The following TBCA variants were observed in gnomAD, a reference collection of about 807,000 sequenced individuals.
TBCA encodes the protein tubulin-specific chaperone A.
TBCA carries 6 observed loss-of-function variants against 15.8 expected under a neutral mutation model. The observed-to-expected ratio is 0.38, with a 90% CI of 0.21 to 0.75. The LOEUF is 0.75. Among genes scored for constraint, TBCA ranks in the 30% least tolerant of loss-of-function variants. TBCA has a pLI of 0.46. For synonymous variants in TBCA, 32 were observed against 42.3 expected (o/e 0.76, Z 0.94); for missense variants, 90 against 131.2 (o/e 0.69, Z 1.53).
At chr5:77,775,799 A>G (rs1272025193) in intron 1 of TBCA, among the ~76,000 whole-genome samples, 1 of 152,142 alleles carries the variant, frequency 6.6e-6, no homozygotes. Flanking sequence ...TTTCAAGCCC[A>G]TTTGAGAGCA....
intron 1 of TBCA, among the ~76,000 whole-genome samples, chr5:77,751,417 G>A (rs1009686488): frequency 5.3e-5 from 8 of 151,814 alleles, no homozygotes; most frequent in Non-Finnish European, 1.2e-4. Context: ...GACCTCAGGC[G>A]ATCCACCTGC....
chr5:77,745,632 G>C (rs1249479784), intron 1 of TBCA, among the ~76,000 whole-genome samples: 2 of 152,160 alleles, frequency 1.3e-5, no homozygotes, highest in Non-Finnish European at 2.9e-5. Flanking sequence ...ATGGTATAGG[G>C]GGCCAATTTT....
At chr5:77,745,959 G>C (rs1334677287) in intron 1 of TBCA, among the ~76,000 whole-genome samples, 4 of 152,228 alleles carry the variant, frequency 2.6e-5, no homozygotes, top group African/African-American at 9.6e-5. Context: ...ATGAGCTTCT[G>C]TATGCTTGCT....
At chr5:77,765,263 G>T (rs1370423193) in intron 1 of TBCA, among the ~76,000 whole-genome samples, 6 of 152,252 alleles carry the variant, frequency 3.9e-5, no homozygotes, top group African/African-American at 1.4e-4. Context: ...AGTGAAAAAG[G>T]CAAATGTCTT....
chr5:77,702,173 C>A (rs1483511345), intron 2 of TBCA, among the ~76,000 whole-genome samples: 2 of 151,974 alleles, frequency 1.3e-5, no homozygotes, highest in African/African-American at 4.8e-5. Flanking sequence ...CACCTGTGCC[C>A]CCAAAACCTA....
chr5:77,723,688 G>A (rs1348012761), intron 1 of TBCA, among the ~76,000 whole-genome samples: 3 of 151,868 alleles, frequency 2.0e-5, no homozygotes, highest in African/African-American at 7.2e-5. Context: ...AGGTCCTTTA[G>A]TCACTGTCGC....
intron 1 of TBCA, among the ~76,000 whole-genome samples, chr5:77,735,011 A>G (rs2112473093): frequency 6.6e-6 from 1 of 152,314 alleles, no homozygotes; most frequent in Non-Finnish European, 1.5e-5. Context: ...CATTTTTTAG[A>G]TGCAATGCTA....
chr5:77,712,650 G>T (rs951664335), intron 1 of TBCA, among the ~76,000 whole-genome samples: 1 of 151,900 alleles, frequency 6.6e-6, no homozygotes, highest in Non-Finnish European at 1.5e-5. Flanking sequence ...ACCCAAAGAA[G>T]TTTTAAAAAA....
chr5:77,695,084 CA>C (rs1745844210), intron 2 of TBCA, among the ~76,000 whole-genome samples: 1 of 152,084 alleles, frequency 6.6e-6, no homozygotes, highest in Admixed American at 6.5e-5. Flanking sequence ...AGAATCGTTA[CA>C]GGAATTAAAC....
intron 1 of TBCA, among the ~76,000 whole-genome samples, chr5:77,709,950 C>A (rs935698129): frequency 6.6e-6 from 1 of 152,096 alleles, no homozygotes; most frequent in Non-Finnish European, 1.5e-5. Flanking sequence ...ATATCCAGAA[C>A]GGGCAAATCT....
chr5:77,722,799 A>G (rs1465738279), intron 1 of TBCA, among the ~76,000 whole-genome samples: 2 of 151,910 alleles, frequency 1.3e-5, no homozygotes, highest in Admixed American at 1.3e-4. Context: ...AACATTAAAT[A>G]TAAACTATTC....
chr5:77,744,530 C>CTT (rs1561277852), intron 1 of TBCA, among the ~76,000 whole-genome samples: 2 of 111,096 alleles, frequency 1.8e-5, no homozygotes, highest in South Asian at 3.4e-4. Flanking sequence ...GTCTTATTCA[C>CTT]CTTTTTTTTT....
chr5:77,733,267 C>G (rs1028994715), intron 1 of TBCA, among the ~76,000 whole-genome samples: 1 of 152,044 alleles, frequency 6.6e-6, no homozygotes, highest in African/African-American at 2.4e-5. Flanking sequence ...GGCAACAGAA[C>G]AAGACTCTAT....
chr5:77,775,408 AC>A (rs1747997402), intron 1 of TBCA, among the ~76,000 whole-genome samples: 2 of 152,196 alleles, frequency 1.3e-5, no homozygotes, highest in South Asian at 4.1e-4. Flanking sequence ...GGTACACCTT[AC>A]CCATTGACTA....
At chr5:77,757,886 T>C (rs1047514239) in intron 1 of TBCA, among the ~76,000 whole-genome samples, 3 of 152,170 alleles carry the variant, frequency 2.0e-5, no homozygotes, top group African/African-American at 7.2e-5. Context: ...GTAGAAGGTA[T>C]CTGAGTCTCA....
intron 1 of TBCA, among the ~76,000 whole-genome samples, chr5:77,758,319 C>T (rs1009746154): frequency 2.6e-5 from 4 of 152,198 alleles, no homozygotes; most frequent in Admixed American, 6.5e-5. Flanking sequence ...AATCAACTCA[C>T]GACTTAGAAC....
Position 77,693,346 on chromosome 5 carries a change from T to C in TBCA, c.166A>G (p.Ile56Val), listed in dbSNP as rs1185448099. ...ENYDIKKQAE[I>V]LQESRMMIPD... is the part of the protein sequence containing the mutation. ...ATCATCATCCTGGATTCTTGTAGGA[T>C]CTCTGCCTAGAATGAGAATCTCTGT... Residue 56 changes from isoleucine (I) to valine (V), a missense_variant, in exon 3 of 4, where the codon ATC (isoleucine) becomes GTC (valine). Ile to Val is a conservative substitution (Grantham distance 29). Coordinates refer to ENST00000380377, the MANE Select transcript of TBCA (RefSeq NM_004607.3). The C allele has an allele frequency of 6.2e-7, 1 of 1,609,948 alleles. No individual in the cohort carries two copies. Among genetic ancestry groups the C allele is most frequent in the Non-Finnish European group, 8.5e-7 (1 of 1,178,898 alleles).
intron 3 of TBCA, chr5:77,692,016 G>A (rs975270159): frequency 4.1e-6 from 4 of 985,116 alleles, no homozygotes; most frequent in Non-Finnish European, 4.8e-6. Flanking sequence ...CTACACTAAA[G>A]GAAACAAAAT....
At chr5:77,693,551 C>A (rs1315064653) in intron 2 of TBCA, 199 bp from the exon 3 acceptor site, 4 of 654,160 alleles carry the variant, frequency 6.1e-6, no homozygotes, top group Non-Finnish European at 1.0e-5. Flanking sequence ...GTAATCCCAG[C>A]ATTTTGGGAG....
Sources: allele counts gnomAD v4.1 joint callset (sites outside exome capture counted in the v4.1 genomes callset), GRCh38; gene constraint gnomAD v4.1.1; transcripts MANE v1.5; gene names NCBI Gene and HGNC (gene_info 2026-07-23, HGNC 2026-07-21).